NUAK1: variants seen among roughly 807,000 people sequenced by gnomAD.
NUAK1 encodes NUAK family SNF1-like kinase 1.
In NUAK1, 26 loss-of-function variants were observed where a neutral mutation model predicts 56.9. The ratio of observed to expected loss-of-function variants is 0.46; its 90% CI spans 0.33 to 0.63. The LOEUF (loss-of-function observed/expected upper bound fraction) is 0.63. NUAK1 is among the 30% of genes least tolerant of loss of function. The pLI is 0.02. For missense variants in NUAK1, 727 were observed against 876.1 expected, an observed-to-expected ratio of 0.83 and a Z score of 2.15; for synonymous variants, 337 against 336.0, an observed-to-expected ratio of 1.00 and a Z score of -0.03.
At chr12:106,132,021 T>A (rs1002627001) in intron 1 of NUAK1, among the ~76,000 whole-genome samples, 4 of 152,174 alleles carry the variant, frequency 2.6e-5, no homozygotes, top group Admixed American at 2.0e-4. Context: ...TTACAGATGC[T>A]CCAGGACTTT....
intron 1 of NUAK1, among the ~76,000 whole-genome samples, chr12:106,126,007 G>A (rs1209131471): frequency 6.6e-6 from 1 of 152,168 alleles, no homozygotes; most frequent in Non-Finnish European, 1.5e-5. Flanking sequence ...GGACCACTGA[G>A]AGCTTCTAAG....
chr12:106,125,909 T>C, intron 1 of NUAK1, among the ~76,000 whole-genome samples: 1 of 123,192 alleles, frequency 8.1e-6, no homozygotes, highest in African/African-American at 2.5e-5. Flanking sequence ...AGACCATTAG[T>C]CTCCCCCCTG....
chr12:106,132,957 G>A (rs1181276044), intron 1 of NUAK1, among the ~76,000 whole-genome samples: 1 of 152,296 alleles, frequency 6.6e-6, no homozygotes, highest in East Asian at 1.9e-4. Context: ...CCTTGAGCAA[G>A]CTAGTTAACC....
At chr12:106,086,989 G>C in intron 2 of NUAK1, 104 bp from the exon 3 acceptor site, 4 of 1,428,562 alleles carry the variant, frequency 2.8e-6, no homozygotes, top group Non-Finnish European at 3.8e-6. Context: ...GCCAGGCAGA[G>C]GATCGACTGA....
At chr12:106,080,332 T>A (rs1183941997) in intron 4 of NUAK1, among the ~76,000 whole-genome samples, 1 of 152,222 alleles carries the variant, frequency 6.6e-6, no homozygotes, top group African/African-American at 2.4e-5. Flanking sequence ...CTGACCCTGG[T>A]GCCTGGACCT....
intron 1 of NUAK1, among the ~76,000 whole-genome samples, chr12:106,110,297 C>A (rs1396942625): frequency 6.6e-6 from 1 of 152,224 alleles, no homozygotes; most frequent in Non-Finnish European, 1.5e-5. Flanking sequence ...GACTGTTCAT[C>A]CACTTGTTCT....
At position 106,067,009 on chromosome 12, in the gene NUAK1, A is replaced by G; in HGVS notation, c.1779T>C (p.Pro593=). 4 of 1,614,236 alleles carry G rather than the reference A, an allele frequency of 2.5e-6. No individual in the cohort carries two copies. In the South Asian group the frequency reaches 4.4e-5, roughly 18 times the overall value. The stretch of plus-strand genomic sequence containing the variant: ...CGCAGCTGCGGATGCGCTGGCGGGC[A>G]GGGCGATTCTCCTGCAAATCCAGCA... ...FDLLDLQENR[P]ARQRIRSCVS... Residue 593 remains proline (P), a synonymous_variant, in exon 7 of 7, where the codon CCT becomes CCC. Coordinates refer to ENST00000261402, the MANE Select transcript of NUAK1 (RefSeq NM_014840.3). The surrounding 1 kb of genome is among the most constrained non-coding windows in gnomAD (Gnocchi z 6.0).
intron 4 of NUAK1, among the ~76,000 whole-genome samples, chr12:106,075,398 C>T (rs1306410099): frequency 6.6e-6 from 1 of 151,756 alleles, no homozygotes; most frequent in Non-Finnish European, 1.5e-5. Context: ...CCATACGGAA[C>T]TTATATCAAC....
intron 1 of NUAK1, among the ~76,000 whole-genome samples, chr12:106,125,489 C>T (rs753045689): frequency 6.6e-6 from 1 of 152,314 alleles, no homozygotes; most frequent in South Asian, 2.1e-4. Context: ...TCCTCTAAGC[C>T]TCTGCCTCCT....
At chr12:106,123,229 C>T (rs1191954227) in intron 1 of NUAK1, among the ~76,000 whole-genome samples, 1 of 152,130 alleles carries the variant, frequency 6.6e-6, no homozygotes, top group Non-Finnish European at 1.5e-5. Flanking sequence ...ATAATGTGTG[C>T]TATGGAGCTA....
intron 6 of NUAK1, among the ~76,000 whole-genome samples, chr12:106,070,460 C>A (rs1001605614): frequency 5.9e-5 from 9 of 152,124 alleles, no homozygotes; most frequent in Non-Finnish European, 1.3e-4. Context: ...CTGGGAGAGA[C>A]CTCATCTAAT....
At chr12:106,098,749 G>T (rs2032718997) in intron 2 of NUAK1, among the ~76,000 whole-genome samples, 1 of 152,184 alleles carries the variant, frequency 6.6e-6, no homozygotes. Context: ...GTTCTCAGTG[G>T]TTTTGCAGAT....
At chr12:106,092,334 T>G (rs1235446088) in intron 2 of NUAK1, among the ~76,000 whole-genome samples, 1 of 151,932 alleles carries the variant, frequency 6.6e-6, no homozygotes, top group African/African-American at 2.4e-5. Context: ...CTGGTCAACA[T>G]GGTGAAACCC....
chr12:106,115,577 T>C (rs2032908100), intron 1 of NUAK1, among the ~76,000 whole-genome samples: 1 of 152,216 alleles, frequency 6.6e-6, no homozygotes, highest in East Asian at 1.9e-4. Flanking sequence ...TTGTCCATTA[T>C]TCCTAGAGTT....
chr12:106,064,490 A>C lies in NUAK1; in HGVS notation c.*2312T>G, dbSNP rs573576642. On this transcript the variant is annotated 3_prime_UTR_variant, in exon 7 of 7. Transcript: ENST00000261402. ...TGGCTGAGTTTCCTGACAAAAGAGA[A>C]CACGTGTTTGGGGGGAGGAAGAAGG... 1 of 152,258 alleles carries C rather than the reference A, an allele frequency of 6.6e-6. No homozygotes were observed. Among genetic ancestry groups the C allele is most frequent in the Non-Finnish European group, 1.5e-5 (1 of 68,052 alleles). The allele number at this position is 152,258 out of a possible 1,614,324, so 9.4% of individuals were successfully genotyped here.
At chr12:106,087,173 C>T (rs2032581292) in intron 2 of NUAK1, among the ~76,000 whole-genome samples, 1 of 152,202 alleles carries the variant, frequency 6.6e-6, no homozygotes, top group Non-Finnish European at 1.5e-5. Context: ...GATCATTTCT[C>T]ATACCCTCTC....
intron 2 of NUAK1, among the ~76,000 whole-genome samples, chr12:106,095,223 G>A (rs2032684832): frequency 6.6e-6 from 1 of 152,156 alleles, no homozygotes; most frequent in Admixed American, 6.5e-5. Flanking sequence ...CCCGGCAATT[G>A]ATCAGAACCT....
intron 1 of NUAK1, among the ~76,000 whole-genome samples, chr12:106,131,056 C>T (rs757262338): frequency 1.3e-5 from 2 of 152,144 alleles, no homozygotes; most frequent in South Asian, 2.1e-4. Flanking sequence ...AGATTGTCTT[C>T]GCTTCTTTCA....
chr12:106,129,929 A>C (rs2136484477), intron 1 of NUAK1, among the ~76,000 whole-genome samples: 1 of 152,156 alleles, frequency 6.6e-6, no homozygotes, highest in East Asian at 1.9e-4. Flanking sequence ...ATTTGAACCC[A>C]AGTCTGTCTG....
Sources: allele counts gnomAD v4.1 joint callset (sites outside exome capture counted in the v4.1 genomes callset), GRCh38; gene constraint gnomAD v4.1.1; non-coding constraint Gnocchi (gnomAD v3.1); transcripts MANE v1.5; gene names NCBI Gene and HGNC (gene_info 2026-07-23, HGNC 2026-07-21).